Variants in MSI2 observed in about 807,000 individuals in gnomAD.
MSI2 encodes RNA-binding protein Musashi homolog 2.
Under a neutral mutation model 45.6 loss-of-function variants are expected in MSI2, and 17 were observed. That is an observed-to-expected ratio of 0.37 (90% confidence interval 0.26 to 0.56). The LOEUF (loss-of-function observed/expected upper bound fraction) is 0.56. Ranked by LOEUF, MSI2 falls within the 20% of genes least tolerant of loss-of-function variation. The pLI, the probability that MSI2 is intolerant of heterozygous loss-of-function variation, is 0.77. For missense variants in MSI2, 293 were observed against 444.2 expected, an observed-to-expected ratio of 0.66 and a Z score of 3.06; for synonymous variants, 156 against 158.2, an observed-to-expected ratio of 0.99 and a Z score of 0.11.
At chr17:57,587,057 G>A (rs1904349375) in intron 7 of MSI2, among the ~76,000 whole-genome samples, 1 of 152,148 alleles carries the variant, frequency 6.6e-6, no homozygotes, top group African/African-American at 2.4e-5. Context: ...CACCCACTGA[G>A]ACCATGTTAG....
At chr17:57,438,734 G>GC (rs1395328014) in intron 6 of MSI2, among the ~76,000 whole-genome samples, 3 of 152,200 alleles carry the variant, frequency 2.0e-5, no homozygotes, top group Admixed American at 1.3e-4. Flanking sequence ...GAGGAGCAGA[G>GC]CAGACCCATG....
intron 2 of MSI2, 34 bp from the exon 3 acceptor site, chr17:57,257,432 T>TCCCC (rs148540229): frequency 1.9e-6 from 2 of 1,033,978 alleles, no homozygotes; most frequent in Non-Finnish European, 2.8e-6. Context: ...ACACCTTCTC[T>TCCCC]CCCCCCCCCA....
At chr17:57,334,376 G>C (rs1914520640) in intron 5 of MSI2, among the ~76,000 whole-genome samples, 1 of 152,156 alleles carries the variant, frequency 6.6e-6, no homozygotes, top group Admixed American at 6.5e-5. Context: ...GCTTCCCTTG[G>C]AGAGCTGTCT....
intron 6 of MSI2, among the ~76,000 whole-genome samples, chr17:57,420,311 G>A (rs1399633006): frequency 1.3e-5 from 2 of 152,212 alleles, no homozygotes; most frequent in Non-Finnish European, 2.9e-5. Flanking sequence ...TCTGAAAAAT[G>A]AATTATGGGC....
intron 5 of MSI2, among the ~76,000 whole-genome samples, chr17:57,371,160 AAATT>A (rs1352694207): frequency 1.3e-5 from 2 of 152,302 alleles, no homozygotes; most frequent in African/African-American, 4.8e-5. Flanking sequence ...CTCGTGACTC[AAATT>A]AATTAATTAA....
At chr17:57,423,698 C>T (rs531899108) in intron 6 of MSI2, among the ~76,000 whole-genome samples, 2 of 152,320 alleles carry the variant, frequency 1.3e-5, no homozygotes, top group East Asian at 3.9e-4. Context: ...ACAGATCTCT[C>T]ATGCCAGTAG....
At chr17:57,666,140 A>G (rs760968158) in intron 11 of MSI2, among the ~76,000 whole-genome samples, 1 of 152,256 alleles carries the variant, frequency 6.6e-6, no homozygotes, top group Non-Finnish European at 1.5e-5. Context: ...GGGGCAAAGA[A>G]AGATCCAAGT....
Position 57,575,944 on chromosome 17 carries a change from C to CAAAA in MSI2, c.455-20900_455-20897dup, listed in dbSNP as rs34036311. Among the ~76,000 whole-genome samples, 466 of 64,390 alleles carry CAAAA rather than the reference C, an allele frequency of 7.2e-3. 11 individuals are homozygous for CAAAA. The highest frequency in any genetic ancestry group is 0.013 in the African/African-American group (263 of 20,038). 42.2% of individuals were successfully genotyped at this position (64,390 alleles called of 152,430 possible). ...TGGGCGACAGAGCGAGACTCCGTCTCAAAAAAAAAAAAAAAAAAAAAAAAA... is the reference window on the plus strand; with the variant it reads ...TGGGCGACAGAGCGAGACTCCGTCTCAAAAAAAAAAAAAAAAAAAAAAAAAAAAA... On this transcript the variant is annotated intron_variant, in intron 7 of 13. Transcript: ENST00000284073.
chr17:57,357,298 G>A (rs114830489), intron 5 of MSI2, among the ~76,000 whole-genome samples: 2,827 of 152,208 alleles, frequency 0.019, 110 homozygotes, highest in African/African-American at 0.065. Flanking sequence ...GCTTCTGCAT[G>A]GTCTTAAGCT....
chr17:57,566,079 G>C (rs1423247690), intron 7 of MSI2: 2 of 152,216 alleles, frequency 1.3e-5, no homozygotes, highest in Admixed American at 1.3e-4. Flanking sequence ...CTGCAGATAG[G>C]GTTCGAGGTA....
At chr17:57,395,026 T>C (rs1167615887) in intron 5 of MSI2, among the ~76,000 whole-genome samples, 3 of 152,196 alleles carry the variant, frequency 2.0e-5, no homozygotes, top group Admixed American at 6.5e-5. Context: ...GGAGGCTCCA[T>C]GGGAAAAACT....
intron 5 of MSI2, among the ~76,000 whole-genome samples, chr17:57,268,833 TCAAACAAA>T (rs375379200): frequency 6.6e-5 from 10 of 152,016 alleles, no homozygotes; most frequent in African/African-American, 1.4e-4. Context: ...AGACTCCATC[TCAAACAAA>T]CAAACAAACA....
intron 7 of MSI2, among the ~76,000 whole-genome samples, chr17:57,550,095 C>G (rs544315343): frequency 6.6e-6 from 1 of 152,192 alleles, no homozygotes; most frequent in Non-Finnish European, 1.5e-5. Flanking sequence ...TCAGTGAATG[C>G]GGTCTTTTCT....
intron 7 of MSI2, among the ~76,000 whole-genome samples, chr17:57,535,032 C>T (rs2086893726): frequency 6.6e-6 from 1 of 152,216 alleles, no homozygotes; most frequent in African/African-American, 2.4e-5. Context: ...AGGGAAGAGG[C>T]AACAAGGTGC....
chr17:57,582,997 T>C (rs1248357644), intron 7 of MSI2, among the ~76,000 whole-genome samples: 1 of 152,190 alleles, frequency 6.6e-6, no homozygotes, highest in Non-Finnish European at 1.5e-5. Context: ...CTGTTGAAAA[T>C]CAGGTTCTTC....
chr17:57,370,707 T>C (rs792366), intron 5 of MSI2, among the ~76,000 whole-genome samples: 3,471 of 152,258 alleles, frequency 0.023, 126 homozygotes, highest in African/African-American at 0.079. Flanking sequence ...GCTGTGTTTC[T>C]AACCTGACTG....
At chr17:57,471,613 G>T (rs572578369) in intron 6 of MSI2, among the ~76,000 whole-genome samples, 1 of 152,206 alleles carries the variant, frequency 6.6e-6, no homozygotes, top group South Asian at 2.1e-4. Context: ...GAGGTAGGCT[G>T]GTATTACTCT....
chr17:57,692,823 T>C, the MSI2 span, among the ~76,000 whole-genome samples: 21,834 of 151,940 alleles, frequency 0.14, 1,716 homozygotes, highest in Admixed American at 0.25. Flanking sequence ...TTTTTCTTAA[T>C]TTTACCTCTC....
chr17:57,478,654 T>C (rs888231045), intron 6 of MSI2, among the ~76,000 whole-genome samples: 1 of 152,080 alleles, frequency 6.6e-6, no homozygotes, highest in African/African-American at 2.4e-5. Context: ...CACCGTGAGG[T>C]CTCAGACTGC....
Sources: allele counts gnomAD v4.1 joint callset (sites outside exome capture counted in the v4.1 genomes callset), GRCh38; gene constraint gnomAD v4.1.1; transcripts MANE v1.5; gene names NCBI Gene and HGNC (gene_info 2026-07-23, HGNC 2026-07-21).